The following PCOLCE variants were observed in gnomAD, a reference collection of about 807,000 sequenced individuals.
PCOLCE encodes the protein procollagen C-endopeptidase enhancer, also known as procollagen C-endopeptidase enhancer 1.
Under a neutral mutation model 47.2 loss-of-function variants are expected in PCOLCE, and 33 were observed. The observed-to-expected ratio is 0.70, with a 90% confidence interval of 0.53 to 0.93. The LOEUF is 0.93. Ranked by LOEUF, PCOLCE falls within the 40% of genes least tolerant of loss-of-function variation. The pLI, the probability that PCOLCE is intolerant of heterozygous loss-of-function variation, is 0.00. For synonymous variants in PCOLCE, 254 were observed against 252.5 expected (o/e 1.01, Z -0.06); for missense variants, 584 against 585.3 (o/e 1.00, Z 0.02).
At position 100,603,615 on chromosome 7, in the gene PCOLCE, C is replaced by T. The variant is rs535402947; in HGVS notation, c.204+77C>T. 3 of 638,074 alleles carry T rather than the reference C, an allele frequency of 4.7e-6. No individual in the cohort carries two copies. In the South Asian group the frequency reaches 5.9e-5, roughly 12 times the overall value. The allele number at this position is 638,074 out of a possible 1,614,324, so 39.5% of individuals were successfully genotyped here. On this transcript the variant is annotated intron_variant, in intron 2 of 8. Transcript: ENST00000223061. ...GGCCTGACTGCGAAGGGACCCCCCC[C>T]CCGTCCCCCCCGCACCACCTTCTCA...
intron 1 of PCOLCE, chr7:100,603,084 A>T: frequency 4.1e-6 from 1 of 244,464 alleles, no homozygotes; most frequent in Non-Finnish European, 7.7e-6. Context: ...ATCTGGAAGT[A>T]GTTAGGCGGC....
At position 100,604,087 on chromosome 7, in the gene PCOLCE, T is replaced by C; in HGVS notation, c.333T>C (p.Phe111=). Residue 111 remains phenylalanine, a synonymous_variant, in exon 3 of 9, where the codon TTT becomes TTC. Transcript: ENST00000223061. The surrounding 1 kb of genome is among the most constrained non-coding windows in gnomAD (Gnocchi z 6.4). The stretch of plus-strand genomic sequence containing the variant: ...CTTCCGGCCAGCGGCTCGGACGCTT[T>C]TGTGGGACCTTCCGGCCTGCGCCCC... ...SGTSGQRLGR[F]CGTFRPAPLV... The C allele has an allele frequency of 6.2e-7, 1 of 1,609,992 alleles. No individual in the cohort carries two copies. Among genetic ancestry groups the C allele is most frequent in the Non-Finnish European group, 8.5e-7 (1 of 1,179,974 alleles).
In PCOLCE at chr7:100,603,944, TGTCCCCGCTATCAG is replaced by T. The variant is rs1802660009; in HGVS notation, c.205-7_211del. On this transcript the variant is annotated splice_acceptor_variant and splice_polypyrimidine_tract_variant and intron_variant, in intron 2 of 8. Coordinates refer to ENST00000223061, the MANE Select transcript of PCOLCE (RefSeq NM_002593.4). LOFTEE classifies it high-confidence loss of function. The stretch of plus-strand genomic sequence containing the variant: ...GCCTGACTCTGTGGGTCCCCGCCTC[TGTCCCCGCTATCAG>T]GTCCCCGAGGGCCAGACTGTGTCCC... 6.3e-7 allele frequency: 1 copy of T among 1,598,716 alleles called. No individual in the cohort carries two copies. Among genetic ancestry groups the T allele is most frequent in the Non-Finnish European group, 8.5e-7 (1 of 1,178,628 alleles).
rs1260343176 is a variant in PCOLCE at position 100,606,765 on chromosome 7, G to A, written c.940+135G>A. ...AGACAGCAGGATCGCTTAAGCCTAGGAGTTTACCATAGCAAGACCCTGTCT... is the reference window on the plus strand; with the variant it reads ...AGACAGCAGGATCGCTTAAGCCTAGAAGTTTACCATAGCAAGACCCTGTCT... On this transcript the variant is annotated intron_variant, in intron 6 of 8. Coordinates refer to ENST00000223061, the MANE Select transcript of PCOLCE (RefSeq NM_002593.4). 4.1e-5 allele frequency: 27 copies of A among 661,630 alleles called. No individual in the cohort carries two copies. In the South Asian group the frequency reaches 5.6e-4, roughly 14 times the overall value. 41.0% of individuals were successfully genotyped at this position (661,630 alleles called of 1,614,324 possible). A position where few individuals can be genotyped will look rare whatever the true frequency, so the allele number is the denominator to read the frequency against.
chr7:100,607,843 C>CTAAG, intron 8 of PCOLCE, 36 bp downstream of exon 8: 1 of 1,613,404 alleles, frequency 6.2e-7, no homozygotes, highest in Non-Finnish European at 8.5e-7. Context: ...ATGGGTCAAG[C>CTAAG]TAAGCCACAC....
In PCOLCE at chr7:100,605,907, T is replaced by G. The variant is rs1802708051; in HGVS notation, c.725+95T>G. The G allele has an allele frequency of 7.4e-7, 1 of 1,359,580 alleles. No homozygotes were observed. 84.2% of individuals were successfully genotyped at this position (1,359,580 alleles called of 1,614,324 possible). ...GCGGGGTTCAGCTAAAGGGACGGGATCTGAACCCCAGGGCTCCAAACCGGC... is the reference window on the plus strand; with the variant it reads ...GCGGGGTTCAGCTAAAGGGACGGGAGCTGAACCCCAGGGCTCCAAACCGGC... On this transcript the variant is annotated intron_variant, in intron 5 of 8. Coordinates refer to ENST00000223061, the MANE Select transcript of PCOLCE (RefSeq NM_002593.4). This position sits in a 1 kb window ranked among gnomAD's most constrained non-coding sequence, Gnocchi z 6.1.
rs941144389 is a variant in PCOLCE at position 100,606,406 on chromosome 7, C to G, written c.726-10C>G. On this transcript the variant is annotated splice_polypyrimidine_tract_variant and intron_variant, in intron 5 of 8. Coordinates refer to ENST00000223061, the MANE Select transcript of PCOLCE (RefSeq NM_002593.4). ...TGACACTTCCCCCAATGCTCGGTGG[C>G]CACCTGCAGCTCCATCTCCTCCGAA... 2.5e-6 allele frequency: 4 copies of G among 1,608,348 alleles called. No homozygotes were observed. Among genetic ancestry groups the G allele is most frequent in the Non-Finnish European group, 2.6e-6 (3 of 1,175,276 alleles).
Position 100,606,421 on chromosome 7 carries a change from T to C in PCOLCE, c.731T>C (p.Ile244Thr). Residue 244 changes from isoleucine (I) to threonine (T), a missense_variant, in exon 6 of 9, where the codon ATC becomes ACC. By Grantham distance (89) the Ile-to-Thr change is moderately conservative. Transcript: ENST00000223061. Reference protein sequence around the residue: ...KFCGDAVPGSISSEGNELLVQ... With the variant: ...KFCGDAVPGSTSSEGNELLVQ... Reference sequence around the variant, plus strand: ...TGCTCGGTGGCCACCTGCAGCTCCATCTCCTCCGAAGGGAATGAACTCCTC... The same window carrying C: ...TGCTCGGTGGCCACCTGCAGCTCCACCTCCTCCGAAGGGAATGAACTCCTC... 6.2e-7 allele frequency: 1 copy of C among 1,613,010 alleles called. No individual in the cohort carries two copies.
chr7:100,605,215 GGTAC>G lies in PCOLCE; in HGVS notation c.588+1_588+4del. 6.2e-7 allele frequency: 1 copy of G among 1,610,908 alleles called. No homozygotes were observed. The highest frequency in any genetic ancestry group is 8.5e-7 in the Non-Finnish European group (1 of 1,178,296). On this transcript the variant is annotated splice_donor_variant and splice_donor_region_variant and intron_variant, in intron 4 of 8. Coordinates refer to ENST00000223061, the MANE Select transcript of PCOLCE (RefSeq NM_002593.4). LOFTEE classifies it high-confidence loss of function. The surrounding 1 kb of genome is among the most constrained non-coding windows in gnomAD (Gnocchi z 6.1). ...GGCACATCATCGCGCCCCCGGACCAGGTACCGACCCTCCTCCCCGGGCTGCCCTA... is the reference window on the plus strand; with the variant it reads ...GGCACATCATCGCGCCCCCGGACCAGCGACCCTCCTCCCCGGGCTGCCCTA...
In PCOLCE at chr7:100,604,284, G is replaced by A; in HGVS notation, c.463+67G>A. ...CGCCCCGGCCGCAGCCCCGCCCCCA[G>A]CCCTAACCTCCGCCCCGCCCACCCC... On this transcript the variant is annotated intron_variant, in intron 3 of 8. Transcript: ENST00000223061. The surrounding 1 kb of genome is among the most constrained non-coding windows in gnomAD (Gnocchi z 6.4). 1.5e-6 allele frequency: 2 copies of A among 1,298,668 alleles called. No homozygotes were observed. Among genetic ancestry groups the A allele is most frequent in the Non-Finnish European group, 2.0e-6 (2 of 989,894 alleles). The allele number at this position is 1,298,668 out of a possible 1,614,324, so 80.4% of individuals were successfully genotyped here. A position where few individuals can be genotyped will look rare whatever the true frequency, so the allele number is the denominator to read the frequency against.
At chr7:100,606,354 TGAGAA>T (rs1374933842) in intron 5 of PCOLCE, 57 bp from the exon 6 acceptor site, 9 of 1,205,944 alleles carry the variant, frequency 7.5e-6, no homozygotes, top group Non-Finnish European at 1.1e-5. Context: ...GTCATGGGGC[TGAGAA>T]GAGTGTGGTG....
intron 2 of PCOLCE, 170 bp downstream of exon 2, chr7:100,603,708 T>C (rs1319217936): frequency 2.3e-5 from 13 of 564,894 alleles, no homozygotes; most frequent in Non-Finnish European, 3.5e-5. Context: ...ACACGCATCA[T>C]CTTAACCCTT....
chr7:100,603,584 C>A, intron 2 of PCOLCE, 46 bp downstream of exon 2: 1 of 986,384 alleles, frequency 1.0e-6, no homozygotes, highest in Non-Finnish European at 1.6e-6. Context: ...GTCTCAGAGG[C>A]AAAAAGGCCT....
intron 5 of PCOLCE, 23 bp from the exon 6 acceptor site, chr7:100,606,393 C>T: frequency 6.3e-7 from 1 of 1,587,824 alleles, no homozygotes; most frequent in Non-Finnish European, 8.6e-7. Context: ...ACACTTCCCC[C>T]AATGCTCGGT....
Position 100,605,606 on chromosome 7 carries a change from C to A in PCOLCE, c.589-70C>A. ...TGGGAGTGGGAGCTGCTGCAGGCAC[C>A]CAGTAGGAGATGAGGTGCAGGCGCC... is the stretch of plus-strand genomic sequence containing the variant. On this transcript the variant is annotated intron_variant, in intron 4 of 8. Coordinates refer to ENST00000223061, the MANE Select transcript of PCOLCE (RefSeq NM_002593.4). The surrounding 1 kb of genome is among the most constrained non-coding windows in gnomAD (Gnocchi z 6.1). 6.6e-7 allele frequency: 1 copy of A among 1,521,554 alleles called. No individual in the cohort carries two copies. The highest frequency in any genetic ancestry group is 8.9e-7 in the Non-Finnish European group (1 of 1,129,712). 94.3% of individuals were successfully genotyped at this position (1,521,554 alleles called of 1,614,324 possible). A position where few individuals can be genotyped will look rare whatever the true frequency, so the allele number is the denominator to read the frequency against.
In PCOLCE at chr7:100,602,467, C is replaced by G; in HGVS notation, c.11C>G (p.Ala4Gly). Residue 4 changes from alanine to glycine, a missense_variant, in exon 1 of 9, where the codon GCA becomes GGA. By Grantham distance (60) the Ala-to-Gly change is moderately conservative. Coordinates refer to ENST00000223061, the MANE Select transcript of PCOLCE (RefSeq NM_002593.4). MLP[A>G]ATASLLGPLL... is the part of the protein sequence containing the mutation. ...CTTTCCCCCGGGGCCATGCTGCCTG[C>G]AGCCACAGCCTCCCTCCTGGGGCCC... 6.2e-7 allele frequency: 1 copy of G among 1,611,378 alleles called. No homozygotes were observed. Among genetic ancestry groups the G allele is most frequent in the Non-Finnish European group, 8.5e-7 (1 of 1,178,830 alleles).
chr7:100,602,475 G>C lies in PCOLCE; in HGVS notation c.19G>C (p.Ala7Pro). ...CGGGGCCATGCTGCCTGCAGCCACA[G>C]CCTCCCTCCTGGGGCCCCTCCTCAC... Reference protein sequence around the residue: MLPAATASLLGPLLTAC... With the variant: MLPAATPSLLGPLLTAC... Residue 7 changes from alanine to proline, a missense_variant, in exon 1 of 9, where the codon GCC becomes CCC. Physicochemically the swap from Ala to Pro is conservative, Grantham distance 27. Transcript: ENST00000223061. The C allele has an allele frequency of 6.2e-7, 1 of 1,612,400 alleles. No homozygotes were observed. The highest frequency in any genetic ancestry group is 8.5e-7 in the Non-Finnish European group (1 of 1,179,586).
intron 6 of PCOLCE, among the ~76,000 whole-genome samples, chr7:100,607,149 G>GGGAGGATTGCTTGAGCTGGGAAGGT (rs1332741977): frequency 2.1e-4 from 32 of 151,590 alleles, no homozygotes; most frequent in African/African-American, 7.3e-4. Context: ...AGGCTGAGGT[G>GGGAGGATTGCTTGAGCTGGGAAGGT]GGAGGATTGC....
At position 100,605,657 on chromosome 7, in the gene PCOLCE, C is replaced by A; in HGVS notation, c.589-19C>A. On this transcript the variant is annotated intron_variant, in intron 4 of 8. Transcript: ENST00000223061. This position sits in a 1 kb window ranked among gnomAD's most constrained non-coding sequence, Gnocchi z 6.1. ...CAGGGGTGTCCCGCCGCGCAGTCCCCGCCTCCGCCCGCCGCCAGGTCATCG... is the reference window on the plus strand; with the variant it reads ...CAGGGGTGTCCCGCCGCGCAGTCCCAGCCTCCGCCCGCCGCCAGGTCATCG... 6.4e-7 allele frequency: 1 copy of A among 1,568,570 alleles called. No individual in the cohort carries two copies. The highest frequency in any genetic ancestry group is 2.4e-5 in the East Asian group (1 of 42,194).
Sources: gnomAD v4.1 joint callset for allele counts (sites outside exome capture counted in the v4.1 genomes callset) on GRCh38, gnomAD v4.1.1 for gene constraint, Gnocchi (gnomAD v3.1) non-coding constraint, MANE v1.5 for transcripts, NCBI Gene and HGNC (gene_info 2026-07-23, HGNC 2026-07-21) for gene names.